Variants in TUBE1 observed in about 807,000 individuals in gnomAD.
TUBE1 encodes the protein tubulin epsilon 1.
In TUBE1, 34 loss-of-function variants were observed where a neutral mutation model predicts 53.5. The ratio of observed to expected loss-of-function variants is 0.64; its 90% CI spans 0.48 to 0.85. The LOEUF (loss-of-function observed/expected upper bound fraction) is 0.85. Among genes scored for constraint, TUBE1 ranks in the 40% least tolerant of loss-of-function variants. The pLI is 0.00. For synonymous variants in TUBE1, 177 were observed against 198.4 expected (o/e 0.89, Z 0.91); for missense variants, 532 against 570.5 (o/e 0.93, Z 0.69).
intron 4 of TUBE1, 105 bp downstream of exon 4, chr6:112,084,084 T>C (rs1777112319): frequency 2.2e-6 from 2 of 896,340 alleles, no homozygotes; most frequent in Non-Finnish European, 3.5e-6. Context: ...GCTTAGTAAT[T>C]TTTTTCTACT....
rs587714413 is a variant in TUBE1, at chr6:112,085,335, G to A, written c.153-1089C>T. On this transcript the variant is annotated intron_variant, in intron 3 of 11. Coordinates refer to ENST00000368662, the MANE Select transcript of TUBE1 (RefSeq NM_016262.5). ...CACAACCCTGTTTGCCAAACTTACC[G>A]GGAAAATAATAGTGCTCTCAGGTTA... 7 of 161,376 alleles carry A rather than the reference G, an allele frequency of 4.3e-5. No homozygotes were observed. In the East Asian group the frequency reaches 9.0e-4, roughly 21 times the overall value. 10.0% of individuals were successfully genotyped at this position (161,376 alleles called of 1,614,324 possible). A position where few individuals can be genotyped will look rare whatever the true frequency, so the allele number is the denominator to read the frequency against.
chr6:112,079,045 G>A lies in TUBE1; in HGVS notation c.448+588C>T, dbSNP rs189206312. On this transcript the variant is annotated intron_variant, in intron 6 of 11. Transcript: ENST00000368662. Reference sequence around the variant, plus strand: ...GGGAGCAAAATACTTCAGTTCTAAGGTATAGACTTCCCTGGGGGAAGAAAG... The same window carrying A: ...GGGAGCAAAATACTTCAGTTCTAAGATATAGACTTCCCTGGGGGAAGAAAG... Among the ~76,000 whole-genome samples, 320 of 152,092 alleles carry A rather than the reference G, an allele frequency of 2.1e-3. 1 individual carries two copies. The highest frequency in any genetic ancestry group is 3.6e-3 in the Non-Finnish European group (243 of 67,894).
At chr6:112,075,068 CTTT>C (rs371166684) in intron 8 of TUBE1, 396 of 123,554 alleles carry the variant, frequency 3.2e-3, no homozygotes, top group South Asian at 0.014. Flanking sequence ...TTTTTTCTTT[CTTT>C]TTTTTTTTTT....
chr6:112,076,078 A>G lies in TUBE1; in HGVS notation c.671T>C (p.Met224Thr). 1 of 1,613,242 alleles carries G rather than the reference A, an allele frequency of 6.2e-7. No homozygotes were observed. The highest frequency in any genetic ancestry group is 8.5e-7 in the Non-Finnish European group (1 of 1,179,634). Residue 224 changes from methionine (M) to threonine (T), a missense_variant, in exon 8 of 12, where the codon ATG becomes ACG. Physicochemically the swap from Met to Thr is moderately conservative, Grantham distance 81. Coordinates refer to ENST00000368662, the MANE Select transcript of TUBE1 (RefSeq NM_016262.5). ...LFDIISKIDL[M>T]VNSGKLGTTV... The stretch of plus-strand genomic sequence containing the variant: ...TGTACCCAACTTTCCAGAATTCACC[A>G]TGAGGTCGATTTTGCTAATGATGTC...
At chr6:112,079,530 C>A in intron 6 of TUBE1, 103 bp downstream of exon 6, 1 of 1,210,952 alleles carries the variant, frequency 8.3e-7, no homozygotes, top group South Asian at 1.5e-5. Flanking sequence ...CCGAATAGTT[C>A]TATCTTTATC....
In TUBE1 at chr6:112,076,367, C is replaced by T. The variant is rs1173173273; in HGVS notation, c.591G>A (p.Lys197=). The change falls in exon 7 of 12, where the codon AAG becomes AAA. Residue 197 remains lysine, a synonymous_variant. Transcript: ENST00000368662. ...CACAGTCTGCATGCTCATTAAGTTCCTTCATTGCCAAGATGCTATTATAAG... is the reference window on the plus strand; with the variant it reads ...CACAGTCTGCATGCTCATTAAGTTCTTTCATTGCCAAGATGCTATTATAAG... ...TSPYNSILAM[K]ELNEHADCVL... is the part of the protein sequence containing the mutation. 14 of 1,605,176 alleles carry T rather than the reference C, an allele frequency of 8.7e-6. No homozygotes were observed. The East Asian group carries it at 1.1e-4, about 13-fold the overall frequency.
At chr6:112,072,704 G>A in intron 10 of TUBE1, 54 bp downstream of exon 10, 1 of 1,581,438 alleles carries the variant, frequency 6.3e-7, no homozygotes, top group East Asian at 2.2e-5. Flanking sequence ...TAACTACTAT[G>A]CCACACTGTC....
intron 4 of TUBE1, among the ~76,000 whole-genome samples, chr6:112,082,097 G>A (rs1333435753): frequency 6.6e-6 from 1 of 152,116 alleles, no homozygotes; most frequent in Non-Finnish European, 1.5e-5. Flanking sequence ...TAAGCAGTGA[G>A]TTTAATCATG....
intron 2 of TUBE1, 186 bp from the exon 3 acceptor site, chr6:112,086,794 G>A (rs587720951): frequency 1.9e-6 from 1 of 532,884 alleles, no homozygotes; most frequent in South Asian, 2.8e-5. Flanking sequence ...CAGATCTACA[G>A]ATAAAAAGTT....
intron 8 of TUBE1, 150 bp from the exon 9 acceptor site, chr6:112,075,000 A>C: frequency 3.9e-6 from 1 of 256,900 alleles, no homozygotes; most frequent in Non-Finnish European, 7.4e-6. Context: ...TATTAGTGAA[A>C]GTTAGTATCA....
chr6:112,076,142 C>A, intron 7 of TUBE1, 30 bp from the exon 8 acceptor site: 2 of 1,589,704 alleles, frequency 1.3e-6, no homozygotes, highest in South Asian at 1.1e-5. Context: ...GGGAGAGAAG[C>A]TATTAAGAAG....
chr6:112,071,524 C>T lies in TUBE1; in HGVS notation c.1316G>A (p.Cys439Tyr), dbSNP rs1198521696. The change falls in exon 12 of 12, where the codon TGT becomes TAT. Residue 439 changes from cysteine (C) to tyrosine (Y), a missense_variant. Cys to Tyr is a radical substitution (Grantham distance 194). Coordinates refer to ENST00000368662, the MANE Select transcript of TUBE1 (RefSeq NM_016262.5). ...TAAAGATGACACAGCTTCTGTGAAA[C>T]AGCTTTCTTCCATCCCTTCAACTTG... ...YLQVEGMEES[C>Y]FTEAVSSLSA... 6.2e-7 allele frequency: 1 copy of T among 1,611,912 alleles called. No individual in the cohort carries two copies. Among genetic ancestry groups the T allele is most frequent in the Non-Finnish European group, 8.5e-7 (1 of 1,178,732 alleles).
rs1181190381 is a variant in TUBE1 at position 112,071,788 on chromosome 6, T to C, written c.1269+114A>G. 1.1e-5 allele frequency: 12 copies of C among 1,106,778 alleles called. No homozygotes were observed. The South Asian group carries it at 1.2e-4, about 11-fold the overall frequency. 68.6% of individuals were successfully genotyped at this position (1,106,778 alleles called of 1,614,324 possible). A position where few individuals can be genotyped will look rare whatever the true frequency, so the allele number is the denominator to read the frequency against. ...GCCTCTCCTCTTCAGTTATAATCAG[T>C]ACAACGCACATAATAGAAAACATCA... On this transcript the variant is annotated intron_variant, in intron 11 of 11. Coordinates refer to ENST00000368662, the MANE Select transcript of TUBE1 (RefSeq NM_016262.5).
chr6:112,075,703 A>G (rs1562603093), intron 8 of TUBE1: 3 of 339,260 alleles, frequency 8.8e-6, no homozygotes, highest in East Asian at 9.2e-5. Flanking sequence ...TCAACCACAA[A>G]ATCTTTTACA....
intron 9 of TUBE1, among the ~76,000 whole-genome samples, chr6:112,073,976 G>C (rs1776911732): frequency 6.6e-6 from 1 of 152,130 alleles, no homozygotes; most frequent in Non-Finnish European, 1.5e-5. Context: ...CTGGGCTCAA[G>C]TGATCCTCCC....
At chr6:112,074,598 C>T in intron 9 of TUBE1, 112 bp downstream of exon 9, 1 of 718,814 alleles carries the variant, frequency 1.4e-6, no homozygotes, top group Non-Finnish European at 2.0e-6. Context: ...TCAACTCTCA[C>T]AGATAAGATG....
chr6:112,073,532 A>G (rs140683859), intron 9 of TUBE1, among the ~76,000 whole-genome samples: 1 of 152,300 alleles, frequency 6.6e-6, no homozygotes, highest in East Asian at 1.9e-4. Flanking sequence ...GCTGATGCCA[A>G]TGGACATTTA....
intron 6 of TUBE1, chr6:112,078,398 G>A (rs1207642826): frequency 6.6e-6 from 1 of 151,980 alleles, no homozygotes; most frequent in African/African-American, 2.4e-5. Flanking sequence ...GAGCTGATAT[G>A]GAAAGATGTC....
chr6:112,087,205 G>T (rs1272108337), intron 2 of TUBE1, 28 bp downstream of exon 2: 10 of 1,547,194 alleles, frequency 6.5e-6, no homozygotes, highest in Admixed American at 2.0e-5. Flanking sequence ...GCTGACAGGC[G>T]AGGGGGCTCG....
Sources: allele counts gnomAD v4.1 joint callset (sites outside exome capture counted in the v4.1 genomes callset), GRCh38; gene constraint gnomAD v4.1.1; transcripts MANE v1.5; gene names NCBI Gene and HGNC (gene_info 2026-07-23, HGNC 2026-07-21).